PCDH7: variants seen among roughly 807,000 people sequenced by gnomAD.
PCDH7 encodes the protein protocadherin-7.
Under a neutral mutation model 58.9 loss-of-function variants are expected in PCDH7, and 17 were observed. The observed-to-expected ratio is 0.29, with a 90% CI of 0.20 to 0.43. PCDH7 has a LOEUF of 0.43. Among genes scored for constraint, PCDH7 ranks in the 20% least tolerant of loss-of-function variants. The probability of loss-of-function intolerance (pLI) is 1.00; values close to 1 mark genes in which losing one functional copy is unlikely to be tolerated. For missense variants in PCDH7, 1,274 were observed against 1,441.0 expected, an observed-to-expected ratio of 0.88 and a Z score of 1.88; for synonymous variants, 664 against 616.4, an observed-to-expected ratio of 1.08 and a Z score of -1.14.
intron 2 of PCDH7, among the ~76,000 whole-genome samples, chr4:30,930,578 T>C (rs902877370): frequency 6.6e-6 from 1 of 152,136 alleles, no homozygotes; most frequent in African/African-American, 2.4e-5. Flanking sequence ...TGAAAAGTAC[T>C]GAAATATAAG....
At chr4:31,041,791 T>TG (rs1207941651) in intron 3 of PCDH7, among the ~76,000 whole-genome samples, 4 of 150,818 alleles carry the variant, frequency 2.7e-5, no homozygotes, top group African/African-American at 9.7e-5. Context: ...CCAACTGGCT[T>TG]GGGCTATTTT....
intron 3 of PCDH7, among the ~76,000 whole-genome samples, chr4:31,081,594 T>A (rs1329915086): frequency 6.6e-6 from 1 of 152,162 alleles, no homozygotes; most frequent in Non-Finnish European, 1.5e-5. Flanking sequence ...TTAGTTTTGG[T>A]TCCTTTACAT....
chr4:30,937,836 G>A (rs923856028), intron 2 of PCDH7, among the ~76,000 whole-genome samples: 1 of 151,426 alleles, frequency 6.6e-6, no homozygotes, highest in Non-Finnish European at 1.5e-5. Context: ...CATCTATTTA[G>A]GAACACACAT....
intron 1 of PCDH7, among the ~76,000 whole-genome samples, chr4:30,912,640 G>A (rs1345365127): frequency 6.6e-6 from 1 of 152,176 alleles, no homozygotes; most frequent in Non-Finnish European, 1.5e-5. Flanking sequence ...CAGATTTAAA[G>A]TTCCCAATAA....
At chr4:30,936,417 T>C (rs1211127133) in intron 2 of PCDH7, among the ~76,000 whole-genome samples, 1 of 152,086 alleles carries the variant, frequency 6.6e-6, no homozygotes, top group Admixed American at 6.6e-5. Flanking sequence ...AAACCTATTG[T>C]AGCCATTATA....
chr4:31,037,489 C>A (rs768147738), intron 3 of PCDH7, among the ~76,000 whole-genome samples: 4 of 152,128 alleles, frequency 2.6e-5, no homozygotes, highest in Admixed American at 6.5e-5. Flanking sequence ...GCAAGTCTAG[C>A]CATGTTCTAT....
At chr4:30,767,689 G>A (rs979386265) in intron 1 of PCDH7, among the ~76,000 whole-genome samples, 1 of 152,176 alleles carries the variant, frequency 6.6e-6, no homozygotes, top group Admixed American at 6.5e-5. Flanking sequence ...CAGAGGTACT[G>A]AGTGGAAAAG....
At chr4:30,967,479 A>G (rs902358192) in intron 3 of PCDH7, among the ~76,000 whole-genome samples, 8 of 152,146 alleles carry the variant, frequency 5.3e-5, no homozygotes, top group Admixed American at 1.3e-4. Context: ...ATTATAGTTT[A>G]TACTTTTGCA....
At chr4:30,971,487 A>C (rs887859679) in intron 3 of PCDH7, among the ~76,000 whole-genome samples, 1 of 152,142 alleles carries the variant, frequency 6.6e-6, no homozygotes, top group Admixed American at 6.5e-5. Flanking sequence ...CATAAATTTG[A>C]TCTGTGTTTT....
At chr4:30,936,289 G>A (rs913852934) in intron 2 of PCDH7, among the ~76,000 whole-genome samples, 1 of 151,936 alleles carries the variant, frequency 6.6e-6, no homozygotes, top group African/African-American at 2.4e-5. Context: ...GATATGGAAA[G>A]TTGTAGTTAA....
At position 30,988,188 on chromosome 4, in the gene PCDH7, A is replaced by C. The variant is rs145139555; in HGVS notation, c.*7+37973A>C. Among the ~76,000 whole-genome samples the C allele has an allele frequency of 2.0e-4, 31 of 152,336 alleles. 2 individuals carry two copies. Among genetic ancestry groups the C allele is most frequent in the Admixed American group, 3.3e-4 (5 of 15,306 alleles). ...AACGTTAGACATCATGGTAGGCAGA[A>C]ACTGCACGATAGTACCATGTGATAG... On this transcript the variant is annotated intron_variant, in intron 3 of 3. Coordinates refer to the PCDH7 transcript ENST00000509759.
At chr4:31,017,470 T>C (rs1396981531) in intron 3 of PCDH7, among the ~76,000 whole-genome samples, 1 of 152,146 alleles carries the variant, frequency 6.6e-6, no homozygotes, top group Non-Finnish European at 1.5e-5. Flanking sequence ...CCTAACAGAC[T>C]TTCGGAATCA....
chr4:31,143,279 T>A (rs1443480177), downstream of PCDH7: 1 of 157,234 alleles, frequency 6.4e-6, no homozygotes, highest in Non-Finnish European at 1.4e-5. Context: ...ATCTGGCTGG[T>A]CAAAAATAAG....
At chr4:30,957,764 T>C (rs1302179440) in intron 3 of PCDH7, among the ~76,000 whole-genome samples, 1 of 152,160 alleles carries the variant, frequency 6.6e-6, no homozygotes, top group East Asian at 1.9e-4. Context: ...TTTTAGTATA[T>C]ATCCATAAGA....
In PCDH7 at chr4:30,988,377, C is replaced by G. The variant is rs77722325; in HGVS notation, c.*7+38162C>G. Reference sequence around the variant, plus strand: ...ATAGATGGGTAGACAGAATAGTCACCTACATACTCTTAGTTATAAACAGTT... The same window carrying G: ...ATAGATGGGTAGACAGAATAGTCACGTACATACTCTTAGTTATAAACAGTT... On this transcript the variant is annotated intron_variant, in intron 3 of 3. Coordinates refer to the PCDH7 transcript ENST00000509759. 5.8e-3 allele frequency among the ~76,000 whole-genome samples: 876 copies of G among 152,194 alleles called. 4 individuals carry two copies. The highest frequency in any genetic ancestry group is 9.2e-3 in the Admixed American group (140 of 15,274).
chr4:31,065,697 A>C (rs1560616069), intron 3 of PCDH7, among the ~76,000 whole-genome samples: 1 of 152,028 alleles, frequency 6.6e-6, no homozygotes, highest in East Asian at 1.9e-4. Context: ...TAAGAAATTC[A>C]CTTTATGTTT....
chr4:31,119,173 TTC>T (rs1284416437), intron 3 of PCDH7, among the ~76,000 whole-genome samples: 5 of 152,206 alleles, frequency 3.3e-5, no homozygotes, highest in Non-Finnish European at 5.9e-5. Flanking sequence ...AACTCACACA[TTC>T]TCTGTTATGT....
intron 1 of PCDH7, among the ~76,000 whole-genome samples, chr4:30,816,989 A>G (rs917957280): frequency 1.3e-5 from 2 of 152,188 alleles, no homozygotes; most frequent in Non-Finnish European, 2.9e-5. Flanking sequence ...CAGCGAGCAC[A>G]TAGAGAGTAC....
chr4:30,942,868 G>A (rs1469951147), intron 2 of PCDH7, among the ~76,000 whole-genome samples: 2 of 149,420 alleles, frequency 1.3e-5, no homozygotes, highest in Non-Finnish European at 3.0e-5. Context: ...CAATGGAAGA[G>A]GTAGGTTAAA....
Sources: gnomAD v4.1 joint callset for allele counts (sites outside exome capture counted in the v4.1 genomes callset) on GRCh38, gnomAD v4.1.1 for gene constraint, MANE v1.5 for transcripts, NCBI Gene and HGNC (gene_info 2026-07-23, HGNC 2026-07-21) for gene names.